TFEC: variants seen among roughly 807,000 people sequenced by gnomAD.
TFEC encodes the protein transcription factor EC, also known as class E basic helix-loop-helix protein 34.
Under a neutral mutation model 41.6 loss-of-function variants are expected in TFEC, and 31 were observed. The ratio of observed to expected loss-of-function variants is 0.74; its 90% CI spans 0.56 to 1.01. TFEC has a LOEUF of 1.01. Ranked by LOEUF, TFEC falls within the 50% of genes least tolerant of loss-of-function variation. The pLI, the probability that TFEC is intolerant of heterozygous loss-of-function variation, is 0.00. For missense variants in TFEC, 402 were observed against 404.1 expected (o/e 0.99, Z 0.04); for synonymous variants, 143 against 140.6 (o/e 1.02, Z -0.12).
At chr7:116,107,112 C>G (rs1562971398) in intron 3 of TFEC, among the ~76,000 whole-genome samples, 2 of 152,132 alleles carry the variant, frequency 1.3e-5, no homozygotes, top group Non-Finnish European at 2.9e-5. Context: ...AACTAATCAC[C>G]TAGGGTGTTA....
At chr7:116,075,213 G>T (rs1473732310) in intron 3 of TFEC, among the ~76,000 whole-genome samples, 1 of 152,164 alleles carries the variant, frequency 6.6e-6, no homozygotes, top group African/African-American at 2.4e-5. Context: ...TTGTATCTCA[G>T]TGAAGCTATT....
intron 3 of TFEC, among the ~76,000 whole-genome samples, chr7:116,073,491 T>C (rs1301340122): frequency 6.6e-6 from 1 of 151,752 alleles, no homozygotes; most frequent in African/African-American, 2.4e-5. Context: ...GGGATACATG[T>C]GCAGAACATG....
At chr7:116,134,699 A>G (rs1798402030) in intron 1 of TFEC, among the ~76,000 whole-genome samples, 1 of 152,186 alleles carries the variant, frequency 6.6e-6, no homozygotes. Context: ...TGCATTAAGT[A>G]TATGAACCCA....
intron 1 of TFEC, among the ~76,000 whole-genome samples, chr7:116,029,606 T>G (rs1170249813): frequency 6.6e-6 from 1 of 152,090 alleles, no homozygotes; most frequent in Non-Finnish European, 1.5e-5. Flanking sequence ...TGAAATATTC[T>G]AAGACAATAT....
intron 1 of TFEC, among the ~76,000 whole-genome samples, chr7:116,029,079 C>T (rs971973132): frequency 4.6e-5 from 7 of 151,970 alleles, no homozygotes; most frequent in African/African-American, 1.7e-4. Context: ...AAACATTTTT[C>T]AGCTTGTTTC....
intron 1 of TFEC, among the ~76,000 whole-genome samples, chr7:116,023,399 C>A (rs1333247769): frequency 6.6e-6 from 1 of 152,130 alleles, no homozygotes; most frequent in East Asian, 1.9e-4. Context: ...GTCCAAGCAC[C>A]AGTTAGTATC....
intron 3 of TFEC, among the ~76,000 whole-genome samples, chr7:115,973,888 T>C (rs1793248014): frequency 6.6e-6 from 1 of 152,000 alleles, no homozygotes; most frequent in Non-Finnish European, 1.5e-5. Context: ...AATCTAAAGA[T>C]TAAATTCCTT....
rs77307782 is a variant in TFEC, at chr7:115,980,774, A to C, written c.180+3488T>G. Among the ~76,000 whole-genome samples, 139 of 150,432 alleles carry C rather than the reference A, an allele frequency of 9.2e-4. 1 individual carries two copies. In the East Asian group the frequency reaches 0.023, roughly 25 times the overall value. On this transcript the variant is annotated intron_variant, in intron 2 of 7. Coordinates refer to ENST00000265440, the MANE Select transcript of TFEC (RefSeq NM_012252.4). ...CAAACAAAAACAAAACAAAACAAAAAAAACAAAAAAAAACAAAAACAAAAA... is the reference window on the plus strand; with the variant it reads ...CAAACAAAAACAAAACAAAACAAAACAAACAAAAAAAAACAAAAACAAAAA...
At chr7:116,078,979 A>C (rs1389200501) in intron 3 of TFEC, among the ~76,000 whole-genome samples, 1 of 152,130 alleles carries the variant, frequency 6.6e-6, no homozygotes, top group Admixed American at 6.6e-5. Flanking sequence ...AAGATAGTCC[A>C]CCATGTCAAG....
intron 3 of TFEC, among the ~76,000 whole-genome samples, chr7:116,046,321 G>A (rs556272016): frequency 6.6e-6 from 1 of 152,278 alleles, no homozygotes; most frequent in African/African-American, 2.4e-5. Context: ...GTTGTGGAAG[G>A]GACCCAGGAG....
At chr7:116,040,786 A>G (rs940866902) in intron 3 of TFEC, among the ~76,000 whole-genome samples, 3 of 152,160 alleles carry the variant, frequency 2.0e-5, no homozygotes, top group African/African-American at 7.2e-5. Flanking sequence ...TCATCTGATA[A>G]GGTTTAACCA....
intron 1 of TFEC, among the ~76,000 whole-genome samples, chr7:116,115,830 A>G (rs1007348750): frequency 7.9e-5 from 12 of 151,994 alleles, no homozygotes; most frequent in African/African-American, 2.9e-4. Flanking sequence ...ACAGACACTT[A>G]GAGTGCTTTT....
At chr7:116,104,071 A>C (rs75488661) in intron 3 of TFEC, among the ~76,000 whole-genome samples, 2 of 152,330 alleles carry the variant, frequency 1.3e-5, no homozygotes, top group East Asian at 3.9e-4. Flanking sequence ...ATAATAGTGA[A>C]GAAAAGGGAG....
At chr7:115,998,659 CCAAAAATAG>C (rs1391990741) in intron 1 of TFEC, among the ~76,000 whole-genome samples, 1 of 151,156 alleles carries the variant, frequency 6.6e-6, no homozygotes, top group Non-Finnish European at 1.5e-5. Flanking sequence ...CAAATGGAAA[CCAAAAATAG>C]CAACAGTCAT....
intron 3 of TFEC, among the ~76,000 whole-genome samples, chr7:115,970,565 A>G (rs1793087131): frequency 6.6e-6 from 1 of 151,984 alleles, no homozygotes; most frequent in African/African-American, 2.4e-5. Flanking sequence ...GTGTTATTAA[A>G]GATTGATAAA....
At chr7:116,023,026 A>G (rs1795457365) in intron 1 of TFEC, among the ~76,000 whole-genome samples, 1 of 152,100 alleles carries the variant, frequency 6.6e-6, no homozygotes, top group Non-Finnish European at 1.5e-5. Flanking sequence ...AAATCTATTA[A>G]GAGCCCGTAA....
exon 2 of TFEC, chr7:116,112,035 G>A (rs1203827571): frequency 1.0e-6 from 1 of 984,444 alleles, no homozygotes; most frequent in Non-Finnish European, 1.2e-6. Flanking sequence ...TCATTGATAG[G>A]ACTCTGAAAA....
chr7:115,967,132 C>G lies in TFEC; in HGVS notation c.267+7038G>C, dbSNP rs552374250. Among the ~76,000 whole-genome samples, 11 of 150,984 alleles carry G rather than the reference C, an allele frequency of 7.3e-5. No individual in the cohort carries two copies. The East Asian group carries it at 2.0e-3, about 27-fold the overall frequency. On this transcript the variant is annotated intron_variant, in intron 3 of 7. Coordinates refer to ENST00000265440, the MANE Select transcript of TFEC (RefSeq NM_012252.4). ...GTCCTAGATAATTTCATTATAAATA[C>G]AAAAATGTAAAAAAGTCTTATATAT... is the stretch of plus-strand genomic sequence containing the variant.
At chr7:116,089,322 G>C (rs1247211728) in intron 3 of TFEC, among the ~76,000 whole-genome samples, 1 of 152,116 alleles carries the variant, frequency 6.6e-6, no homozygotes, top group African/African-American at 2.4e-5. Flanking sequence ...ACACTTAATT[G>C]GAAGAGTAGC....
Sources: allele counts gnomAD v4.1 joint callset (sites outside exome capture counted in the v4.1 genomes callset), GRCh38; gene constraint gnomAD v4.1.1; transcripts MANE v1.5; gene names NCBI Gene and HGNC (gene_info 2026-07-23, HGNC 2026-07-21).